Variants in GLIS1 observed in about 807,000 individuals in gnomAD.
GLIS1 encodes the protein GLIS family zinc finger 1.
In GLIS1, 24 loss-of-function variants were observed where a neutral mutation model predicts 63.8. The observed-to-expected ratio is 0.38, with a 90% CI of 0.27 to 0.53. The LOEUF (loss-of-function observed/expected upper bound fraction) is 0.53, where lower values mean the gene tolerates loss of function less well. GLIS1 is among the 20% of genes least tolerant of loss of function. The pLI, the probability that GLIS1 is intolerant of heterozygous loss-of-function variation, is 0.85. For synonymous variants in GLIS1, 450 were observed against 482.5 expected, an observed-to-expected ratio of 0.93 and a Z score of 0.88; for missense variants, 1,036 against 1,074.1, an observed-to-expected ratio of 0.96 and a Z score of 0.50.
At chr1:53,509,079 G>T in intron 10 of GLIS1, 41 bp downstream of exon 10, 1 of 1,512,194 alleles carries the variant, frequency 6.6e-7, no homozygotes, top group East Asian at 2.4e-5. Flanking sequence ...GTTGAGCCTC[G>T]GCAGGTGCCC....
At chr1:53,528,965 C>T (rs1435527482) in intron 5 of GLIS1, among the ~76,000 whole-genome samples, 1 of 152,144 alleles carries the variant, frequency 6.6e-6, no homozygotes, top group African/African-American at 2.4e-5. Context: ...AGTGTAAGGC[C>T]CTGGTCTGAG....
chr1:53,537,943 T>C (rs1644598645), intron 4 of GLIS1, among the ~76,000 whole-genome samples: 1 of 152,264 alleles, frequency 6.6e-6, no homozygotes, highest in African/African-American at 2.4e-5. Context: ...TTTACAACAA[T>C]GATGTGGATG....
At chr1:53,541,408 T>C (rs970371160) in intron 4 of GLIS1, among the ~76,000 whole-genome samples, 6 of 152,238 alleles carry the variant, frequency 3.9e-5, no homozygotes, top group Non-Finnish European at 5.9e-5. Flanking sequence ...ACCCACATGA[T>C]TGACCAAGAG....
intron 2 of GLIS1, among the ~76,000 whole-genome samples, chr1:53,638,467 C>G (rs759643181): frequency 3.9e-5 from 6 of 152,204 alleles, no homozygotes; most frequent in Non-Finnish European, 8.8e-5. Flanking sequence ...CCAGGAGCCA[C>G]TACAGAGAGT....
intron 1 of GLIS1, among the ~76,000 whole-genome samples, chr1:53,738,895 T>A (rs1646939993): frequency 6.6e-6 from 1 of 152,002 alleles, no homozygotes; most frequent in Non-Finnish European, 1.5e-5. Context: ...AACCACACAG[T>A]CCCACGCTCT....
intron 2 of GLIS1, among the ~76,000 whole-genome samples, chr1:53,645,179 C>G (rs984221406): frequency 1.3e-5 from 2 of 152,194 alleles, no homozygotes; most frequent in African/African-American, 2.4e-5. Flanking sequence ...CTTCTCCCCC[C>G]CAGACATCTG....
chr1:53,603,190 G>T (rs374122208), intron 2 of GLIS1, among the ~76,000 whole-genome samples: 2 of 152,114 alleles, frequency 1.3e-5, no homozygotes, highest in Admixed American at 6.5e-5. Flanking sequence ...GGGGGAAGGC[G>T]CCACTCAAGT....
intron 2 of GLIS1, among the ~76,000 whole-genome samples, chr1:53,642,354 G>A (rs985172236): frequency 3.3e-5 from 5 of 152,174 alleles, no homozygotes; most frequent in Admixed American, 6.5e-5. Context: ...GGCAGGAGAG[G>A]CTGGGTTCCC....
intron 4 of GLIS1, among the ~76,000 whole-genome samples, chr1:53,534,498 G>C (rs903640521): frequency 6.6e-6 from 1 of 151,996 alleles, no homozygotes; most frequent in Non-Finnish European, 1.5e-5. Flanking sequence ...GCCTCTATGT[G>C]GGGGGTTCAG....
intron 2 of GLIS1, among the ~76,000 whole-genome samples, chr1:53,628,618 A>C (rs1186676433): frequency 6.6e-6 from 1 of 152,102 alleles, no homozygotes; most frequent in African/African-American, 2.4e-5. Flanking sequence ...TCAGAAGCCG[A>C]AGCCACTTGG....
chr1:53,655,826 C>A (rs1247097575), intron 2 of GLIS1, among the ~76,000 whole-genome samples: 6 of 152,214 alleles, frequency 3.9e-5, no homozygotes, highest in Admixed American at 6.5e-5. Flanking sequence ...TTGGGCCCAA[C>A]CTCAGGTTGA....
chr1:53,662,871 T>G (rs553314216), intron 2 of GLIS1, among the ~76,000 whole-genome samples: 2 of 152,162 alleles, frequency 1.3e-5, no homozygotes, highest in East Asian at 3.9e-4. Flanking sequence ...ACAGAGACCA[T>G]CTCCCCGGCG....
chr1:53,690,994 G>A (rs1646398586), intron 2 of GLIS1, among the ~76,000 whole-genome samples: 1 of 152,134 alleles, frequency 6.6e-6, no homozygotes, highest in Non-Finnish European at 1.5e-5. Context: ...GAAGGAGCAG[G>A]GATGAAGCAA....
chr1:53,612,626 T>A (rs1371065451), intron 2 of GLIS1, among the ~76,000 whole-genome samples: 1 of 152,160 alleles, frequency 6.6e-6, no homozygotes, highest in Non-Finnish European at 1.5e-5. Context: ...TTAACTCCAA[T>A]TTTTGTCTCC....
intron 2 of GLIS1, among the ~76,000 whole-genome samples, chr1:53,652,795 G>A (rs1645923309): frequency 6.6e-6 from 1 of 152,158 alleles, no homozygotes; most frequent in South Asian, 2.1e-4. Flanking sequence ...CCAGTCCTAG[G>A]ATGACATGAG....
intron 4 of GLIS1, among the ~76,000 whole-genome samples, chr1:53,547,765 G>A (rs1478424813): frequency 2.0e-5 from 3 of 152,206 alleles, no homozygotes; most frequent in African/African-American, 7.2e-5. Flanking sequence ...CTGCCCCTCT[G>A]CTGAGCCAAG....
In GLIS1 at chr1:53,516,021, A is replaced by T. The variant is rs192717155; in HGVS notation, c.1727-1240T>A. Among the ~76,000 whole-genome samples the T allele has an allele frequency of 1.9e-3, 296 of 152,160 alleles. 1 individual carries two copies. Among genetic ancestry groups the T allele is most frequent in the African/African-American group, 6.6e-3 (272 of 41,504 alleles). On this transcript the variant is annotated intron_variant, in intron 7 of 10. Coordinates refer to ENST00000628545, the MANE Select transcript of GLIS1 (RefSeq NM_001367484.1). Reference sequence around the variant, plus strand: ...ATTGACATCATTTTTTCTGAAATCCATGCATCCAGCAGATGCCCTGGGAGG... The same window carrying T: ...ATTGACATCATTTTTTCTGAAATCCTTGCATCCAGCAGATGCCCTGGGAGG...
chr1:53,626,541 T>C (rs546102564), intron 2 of GLIS1, among the ~76,000 whole-genome samples: 5 of 152,370 alleles, frequency 3.3e-5, no homozygotes, highest in African/African-American at 1.2e-4. Context: ...ACCATCTTTA[T>C]AGCACTCATC....
At chr1:53,621,816 A>T (rs1052427848) in intron 2 of GLIS1, among the ~76,000 whole-genome samples, 2 of 151,706 alleles carry the variant, frequency 1.3e-5, no homozygotes, top group Non-Finnish European at 2.9e-5. Context: ...TTCATACAGA[A>T]AAATTTTTTT....
Sources: gnomAD v4.1 joint callset for allele counts (sites outside exome capture counted in the v4.1 genomes callset) on GRCh38, gnomAD v4.1.1 for gene constraint, MANE v1.5 for transcripts, NCBI Gene and HGNC (gene_info 2026-07-23, HGNC 2026-07-21) for gene names.